The following TRIM36 variants were observed in gnomAD, a reference collection of about 807,000 sequenced individuals.
The protein encoded by TRIM36 is tripartite motif containing 36.
TRIM36 carries 42 observed loss-of-function variants against 72.4 expected under a neutral mutation model. The observed-to-expected ratio is 0.58, with a 90% CI of 0.45 to 0.75. TRIM36 has a LOEUF of 0.75. Ranked by LOEUF, TRIM36 falls within the 30% of genes least tolerant of loss-of-function variation. The pLI, the probability that TRIM36 is intolerant of heterozygous loss-of-function variation, is 0.00. For synonymous variants in TRIM36, 315 were observed against 282.8 expected (o/e 1.11, Z -1.14); for missense variants, 913 against 857.1 (o/e 1.07, Z -0.81).
intron 2 of TRIM36, 145 bp downstream of exon 2, chr5:115,163,373 C>G: frequency 1.5e-6 from 1 of 649,008 alleles, no homozygotes; most frequent in South Asian, 2.0e-5. Context: ...GTGGGGGAGG[C>G]CCCTTTATAA....
chr5:115,132,194 GTGTGTGTGTGTA>G (rs895404642), intron 8 of TRIM36, among the ~76,000 whole-genome samples: 2 of 149,518 alleles, frequency 1.3e-5, no homozygotes, highest in African/African-American at 4.9e-5. Context: ...ATGTGTGTGT[GTGTGTGTGTGTA>G]TATATATATA....
At chr5:115,128,792 A>G (rs1239376250) in intron 9 of TRIM36, among the ~76,000 whole-genome samples, 2 of 146,430 alleles carry the variant, frequency 1.4e-5, no homozygotes, top group Admixed American at 1.4e-4. Flanking sequence ...AAAAAAATTG[A>G]AAGTTTATAA....
chr5:115,159,814 A>G (rs953637262), intron 2 of TRIM36: 1 of 375,550 alleles, frequency 2.7e-6, no homozygotes, highest in Non-Finnish European at 5.1e-6. Flanking sequence ...TTTTCCTGGT[A>G]CACATAGTAT....
At chr5:115,159,509 G>A (rs1580693462) in intron 2 of TRIM36, 2 of 284,456 alleles carry the variant, frequency 7.0e-6, no homozygotes, top group East Asian at 2.2e-4. Flanking sequence ...AGTCGTTTCA[G>A]CCCAATTTGT....
intron 4 of TRIM36, among the ~76,000 whole-genome samples, chr5:115,142,791 G>T (rs936298011): frequency 6.6e-6 from 1 of 152,104 alleles, no homozygotes; most frequent in Admixed American, 6.5e-5. Context: ...AAAAGACAAG[G>T]CTACCTCTTA....
Position 115,163,556 on chromosome 5 carries a change from G to C in TRIM36, c.224C>G (p.Ser75Cys). 6.2e-7 allele frequency: 1 copy of C among 1,614,180 alleles called. No homozygotes were observed. The highest frequency in any genetic ancestry group is 8.5e-7 in the Non-Finnish European group (1 of 1,180,048). ...NQSSPRLRLP[S>C]PSMDKIDRIN... ...TCGGTCAATTTTATCCATACTAGGGGAGGGGAGCCGAAGTCGAGGACTGCT... is the reference window on the plus strand; with the variant it reads ...TCGGTCAATTTTATCCATACTAGGGCAGGGGAGCCGAAGTCGAGGACTGCT... Residue 75 changes from serine to cysteine, a missense_variant, in exon 2 of 10, where the codon TCC (serine) becomes TGC (cysteine). Transcript: ENST00000513154.
intron 2 of TRIM36, chr5:115,153,926 T>C (rs1489028861): frequency 3.3e-5 from 5 of 152,192 alleles, no homozygotes; most frequent in Non-Finnish European, 5.9e-5. Flanking sequence ...GACCATATGA[T>C]AGGCCACAAA....
chr5:115,130,013 T>C lies in TRIM36; in HGVS notation c.1796+579A>G, dbSNP rs146148141. Reference sequence around the variant, plus strand: ...ATTTTTTATCTTTCTGAAGAAAGCTTTTCCTATCATTCAGATTGTTAAGCT... The same window carrying C: ...ATTTTTTATCTTTCTGAAGAAAGCTCTTCCTATCATTCAGATTGTTAAGCT... On this transcript the variant is annotated intron_variant, in intron 9 of 9. Transcript: ENST00000513154. 5.9e-3 allele frequency among the ~76,000 whole-genome samples: 894 copies of C among 152,306 alleles called. 4 individuals carry two copies. Among genetic ancestry groups the C allele is most frequent in the African/African-American group, 0.02 (830 of 41,574 alleles).
intron 3 of TRIM36, among the ~76,000 whole-genome samples, chr5:115,146,017 T>G (rs566202388): frequency 3.3e-5 from 5 of 152,322 alleles, no homozygotes; most frequent in Non-Finnish European, 7.3e-5. Flanking sequence ...GTATAACCTA[T>G]CCATGTTTCT....
chr5:115,171,000 T>G (rs770482166), upstream of TRIM36: 2 of 1,535,578 alleles, frequency 1.3e-6, no homozygotes, highest in East Asian at 4.5e-5. Context: ...GCACTGCCTT[T>G]CTGGCTAGCT....
chr5:115,157,564 C>CA (rs973150373), intron 2 of TRIM36, among the ~76,000 whole-genome samples: 3 of 147,508 alleles, frequency 2.0e-5, no homozygotes, highest in African/African-American at 5.0e-5. Context: ...AACTCTATCT[C>CA]AAAAAAAAAA....
chr5:115,165,242 C>G (rs1268387912), intron 1 of TRIM36, among the ~76,000 whole-genome samples: 1 of 152,208 alleles, frequency 6.6e-6, no homozygotes. Context: ...TGGTCCTCTT[C>G]TCAGAGCTCC....
At chr5:115,177,741 G>C (rs1580720439) in intron 1 of TRIM36, 2 of 1,614,102 alleles carry the variant, frequency 1.2e-6, no homozygotes, top group East Asian at 4.5e-5. Context: ...AACAGAGAGA[G>C]GAATTGTCCT....
rs779777920 is a variant in TRIM36, at chr5:115,177,781, A to G, written c.63+2194T>C. ...TCTTCTTGGGAGAGACTGCTTTCCAACCTCAGAGATTTCAAAGGGACAGCG... is the reference window on the plus strand; with the variant it reads ...TCTTCTTGGGAGAGACTGCTTTCCAGCCTCAGAGATTTCAAAGGGACAGCG... On this transcript the variant is annotated intron_variant, in intron 1 of 9. Coordinates refer to the TRIM36 transcript ENST00000282369. 4 of 1,614,068 alleles carry G rather than the reference A, an allele frequency of 2.5e-6. No homozygotes were observed. The East Asian group carries it at 8.9e-5, about 36-fold the overall frequency.
At chr5:115,148,383 G>T in intron 2 of TRIM36, 1 of 967,698 alleles carries the variant, frequency 1.0e-6, no homozygotes, top group Non-Finnish European at 1.2e-6. Context: ...ACAGGTGCAT[G>T]CATATCACAT....
chr5:115,138,301 G>C (rs934987074), intron 5 of TRIM36, among the ~76,000 whole-genome samples: 4 of 152,048 alleles, frequency 2.6e-5, no homozygotes, highest in Non-Finnish European at 5.9e-5. Flanking sequence ...GGGTTTCGCA[G>C]TGTTAGCTAG....
At chr5:115,151,967 G>C (rs1287414497) in intron 2 of TRIM36, among the ~76,000 whole-genome samples, 1 of 152,028 alleles carries the variant, frequency 6.6e-6, no homozygotes, top group Non-Finnish European at 1.5e-5. Context: ...GACAAAACAA[G>C]GTTAACACCA....
chr5:115,138,432 T>C (rs759575232), intron 5 of TRIM36, among the ~76,000 whole-genome samples: 1 of 152,144 alleles, frequency 6.6e-6, no homozygotes, highest in Non-Finnish European at 1.5e-5. Context: ...CTCTAAAATA[T>C]GACATTCTTT....
chr5:115,179,030 G>T (rs1348115960), intron 1 of TRIM36, among the ~76,000 whole-genome samples: 1 of 152,182 alleles, frequency 6.6e-6, no homozygotes, highest in African/African-American at 2.4e-5. Context: ...CGCGCACAGG[G>T]AGTCGAGTGC....
Sources: allele counts gnomAD v4.1 joint callset (sites outside exome capture counted in the v4.1 genomes callset), GRCh38; gene constraint gnomAD v4.1.1; transcripts MANE v1.5; gene names NCBI Gene and HGNC (gene_info 2026-07-23, HGNC 2026-07-21).